MTAP: variants seen among roughly 807,000 people sequenced by gnomAD.
MTAP encodes methylthioadenosine phosphorylase.
A neutral mutation model predicts 33.6 loss-of-function variants in MTAP; 33 were observed. The observed-to-expected ratio is 0.98, with a 90% CI of 0.74 to 1.31. The LOEUF (loss-of-function observed/expected upper bound fraction) is 1.31. Among genes scored for constraint, MTAP ranks in the 40% most tolerant of loss-of-function variants. The pLI, the probability that MTAP is intolerant of heterozygous loss-of-function variation, is 0.00. For missense variants in MTAP, 367 were observed against 360.0 expected (o/e 1.02, Z -0.16); for synonymous variants, 148 against 125.7 (o/e 1.18, Z -1.19).
intron 1 of MTAP, among the ~76,000 whole-genome samples, chr9:21,923,135 G>C (rs1387947339): frequency 1.3e-5 from 2 of 152,088 alleles, no homozygotes; most frequent in Non-Finnish European, 2.9e-5. Flanking sequence ...TTCACCCATG[G>C]CTCTTGTTGC....
intron 5 of MTAP, among the ~76,000 whole-genome samples, chr9:21,840,778 G>A (rs4977733): frequency 0.36 from 55,099 of 152,064 alleles, 10,921 homozygotes; most frequent in Admixed American, 0.46. Context: ...AATGGGAGCC[G>A]CAGCAGATAC....
chr9:21,864,054 A>G lies in MTAP; in HGVS notation c.*2040A>G. 1 of 985,514 alleles carries G rather than the reference A, an allele frequency of 1.0e-6. No individual in the cohort carries two copies. Among genetic ancestry groups the G allele is most frequent in the Non-Finnish European group, 1.2e-6 (1 of 829,928 alleles). 61.0% of individuals were successfully genotyped at this position (985,514 alleles called of 1,614,324 possible). On this transcript the variant is annotated 3_prime_UTR_variant, in exon 8 of 8. Coordinates refer to ENST00000644715, the MANE Select transcript of MTAP (RefSeq NM_002451.4). The stretch of plus-strand genomic sequence containing the variant: ...CAATATGATACATAGATGGTACCTT[A>G]CTTTTCCTCATTCTTAATAGGTGTC...
At chr9:21,923,123 C>T (rs965435534) in intron 1 of MTAP, among the ~76,000 whole-genome samples, 2 of 152,142 alleles carry the variant, frequency 1.3e-5, no homozygotes, top group African/African-American at 2.4e-5. Flanking sequence ...CCCTGTTATT[C>T]GTTCACCCAT....
chr9:21,919,128 A>G (rs1227922358), intron 1 of MTAP, among the ~76,000 whole-genome samples: 1 of 152,262 alleles, frequency 6.6e-6, no homozygotes, highest in Non-Finnish European at 1.5e-5. Context: ...GAGTGTTTAA[A>G]GTAAAATCTT....
chr9:21,880,427 A>C (rs967199616), intron 1 of MTAP, among the ~76,000 whole-genome samples: 1 of 152,220 alleles, frequency 6.6e-6, no homozygotes, highest in East Asian at 1.9e-4. Context: ...AAAGAAATAA[A>C]AGCCATCTAG....
chr9:21,934,345 A>G (rs1430001031), downstream of MTAP: 1 of 152,232 alleles, frequency 6.6e-6, no homozygotes, highest in Non-Finnish European at 1.5e-5. The surrounding 1 kb of genome is among the most constrained non-coding windows in gnomAD (Gnocchi z 5.0). Flanking sequence ...CAAGGACTCA[A>G]ATATAGAAGT....
chr9:21,890,613 G>T (rs188010349), intron 1 of MTAP, among the ~76,000 whole-genome samples: 1 of 152,296 alleles, frequency 6.6e-6, no homozygotes, highest in African/African-American at 2.4e-5. Context: ...GATCAGGAGT[G>T]TCCACAGGGC....
intron 4 of MTAP, among the ~76,000 whole-genome samples, chr9:21,822,980 G>T (rs1394053112): frequency 1.3e-5 from 2 of 152,100 alleles, no homozygotes; most frequent in Non-Finnish European, 2.9e-5. Flanking sequence ...CCATTTGCTT[G>T]GTAGATCTTC....
chr9:21,802,661 T>G lies in MTAP; in HGVS notation c.-88T>G. 1 of 1,499,348 alleles carries G rather than the reference T, an allele frequency of 6.7e-7. No individual in the cohort carries two copies. Among genetic ancestry groups the G allele is most frequent in the Non-Finnish European group, 9.2e-7 (1 of 1,085,042 alleles). 92.9% of individuals were successfully genotyped at this position (1,499,348 alleles called of 1,614,324 possible). On this transcript the variant is annotated 5_prime_UTR_variant, in exon 1 of 8. Transcript: ENST00000644715. ...CTCCGCACTGCTCACTCCCGCGCAG[T>G]GAGGTTGGCACAGCCACCGCTCTGT... is the stretch of plus-strand genomic sequence containing the variant.
chr9:21,914,127 A>G (rs546195649), intron 1 of MTAP, among the ~76,000 whole-genome samples: 41 of 152,320 alleles, frequency 2.7e-4, no homozygotes, highest in Admixed American at 5.2e-4. Context: ...AAAGTCAGGA[A>G]ACAATAGGTG....
At chr9:21,825,490 G>T (rs115598760) in intron 4 of MTAP, among the ~76,000 whole-genome samples, 1 of 152,044 alleles carries the variant, frequency 6.6e-6, no homozygotes, top group Admixed American at 6.5e-5. Context: ...AGTATACAAG[G>T]GTTCTGTTTT....
intron 1 of MTAP, among the ~76,000 whole-genome samples, chr9:21,906,928 G>A (rs1251029668): frequency 6.6e-6 from 1 of 152,176 alleles, no homozygotes; most frequent in Non-Finnish European, 1.5e-5. Flanking sequence ...ATGCTTGGCA[G>A]TAATTCAGTA....
rs111350457 is a variant in MTAP, at chr9:21,862,195, A to G, written c.*181A>G. The G allele has an allele frequency of 7.4e-7, 1 of 1,345,710 alleles. No individual in the cohort carries two copies. The highest frequency in any genetic ancestry group is 9.6e-7 in the Non-Finnish European group (1 of 1,045,800). 83.4% of individuals were successfully genotyped at this position (1,345,710 alleles called of 1,614,324 possible). On this transcript the variant is annotated 3_prime_UTR_variant, in exon 8 of 8. Transcript: ENST00000644715. ...TAGAGACTCCTGAATGATTTAGACA[A>G]CTTCAAAATACAGAAGAAAAGCAAA... is the stretch of plus-strand genomic sequence containing the variant.
chr9:21,923,131 C>T (rs1818815914), intron 1 of MTAP, among the ~76,000 whole-genome samples: 1 of 152,188 alleles, frequency 6.6e-6, no homozygotes, highest in Admixed American at 6.5e-5. Flanking sequence ...TTCGTTCACC[C>T]ATGGCTCTTG....
At chr9:21,833,353 T>G (rs1279525590) in intron 4 of MTAP, among the ~76,000 whole-genome samples, 1 of 152,122 alleles carries the variant, frequency 6.6e-6, no homozygotes, top group Non-Finnish European at 1.5e-5. Flanking sequence ...CAGCTAATTT[T>G]TTGTATGTTT....
chr9:21,881,210 A>C (rs1818005909), intron 1 of MTAP, among the ~76,000 whole-genome samples: 1 of 152,108 alleles, frequency 6.6e-6, no homozygotes, highest in Non-Finnish European at 1.5e-5. Flanking sequence ...ATGCAAATGC[A>C]AAAGAATGAA....
chr9:21,836,278 T>C (rs1458572787), intron 4 of MTAP, among the ~76,000 whole-genome samples: 2 of 152,140 alleles, frequency 1.3e-5, no homozygotes, highest in African/African-American at 2.4e-5. Context: ...GAAAAATGCA[T>C]GAGAGGAAAT....
intron 4 of MTAP, among the ~76,000 whole-genome samples, chr9:21,818,620 C>T (rs1824548701): frequency 6.6e-6 from 1 of 152,134 alleles, no homozygotes; most frequent in African/African-American, 2.4e-5. Flanking sequence ...CCACTGCACC[C>T]AGCCTGTGTT....
intron 1 of MTAP, among the ~76,000 whole-genome samples, chr9:21,901,378 T>C (rs967051669): frequency 1.6e-4 from 25 of 152,298 alleles, no homozygotes; most frequent in African/African-American, 6.0e-4. Flanking sequence ...AAAACAATTT[T>C]AAGTTTAATA....
Sources: allele counts gnomAD v4.1 joint callset (sites outside exome capture counted in the v4.1 genomes callset), GRCh38; gene constraint gnomAD v4.1.1; non-coding constraint Gnocchi (gnomAD v3.1); transcripts MANE v1.5; gene names NCBI Gene and HGNC (gene_info 2026-07-23, HGNC 2026-07-21).